Variants in PLPP4 observed in about 807,000 individuals in gnomAD.
The protein encoded by PLPP4 is phospholipid phosphatase 4, also known as diacylglycerol pyrophosphate like 2.
PLPP4 carries 20 observed loss-of-function variants against 32.2 expected under a neutral mutation model. That is an observed-to-expected ratio of 0.62 (90% confidence interval 0.44 to 0.90). The LOEUF (loss-of-function observed/expected upper bound fraction) is 0.90, where lower values mean the gene tolerates loss of function less well. Ranked by LOEUF, PLPP4 falls within the 40% of genes least tolerant of loss-of-function variation. The pLI is 0.00. For synonymous variants in PLPP4, 127 were observed against 133.0 expected (o/e 0.95, Z 0.31); for missense variants, 257 against 353.1 (o/e 0.73, Z 2.18).
At chr10:120,556,803 C>T (rs925111196) in intron 5 of PLPP4, among the ~76,000 whole-genome samples, 4 of 152,064 alleles carry the variant, frequency 2.6e-5, no homozygotes, top group East Asian at 1.9e-4. Context: ...ATTCAAACCT[C>T]GGCACTAGAT....
intron 5 of PLPP4, among the ~76,000 whole-genome samples, chr10:120,566,504 C>T (rs1463476407): frequency 1.3e-5 from 2 of 151,618 alleles, no homozygotes; most frequent in Non-Finnish European, 2.9e-5. Flanking sequence ...GTGTCCTTGC[C>T]GTTTCCTTCT....
intron 5 of PLPP4, among the ~76,000 whole-genome samples, chr10:120,546,265 C>T (rs532902995): frequency 6.6e-6 from 1 of 152,084 alleles, no homozygotes; most frequent in African/African-American, 2.4e-5. Context: ...TCTAGAGAAC[C>T]CTGACTCACA....
intron 5 of PLPP4, among the ~76,000 whole-genome samples, chr10:120,562,462 G>A (rs1848480291): frequency 6.6e-6 from 1 of 151,948 alleles, no homozygotes; most frequent in Non-Finnish European, 1.5e-5. Flanking sequence ...AGGGCTTCTT[G>A]TGCAATGTTC....
rs774470104 is a variant in PLPP4 at position 120,503,552 on chromosome 10, T to C, written c.57-266T>C. 3.7e-6 allele frequency: 6 copies of C among 1,604,558 alleles called. No individual in the cohort carries two copies. In the South Asian group the frequency reaches 6.7e-5, roughly 18 times the overall value. On this transcript the variant is annotated intron_variant, in intron 1 of 6. Transcript: ENST00000398250. ...ACTTTGGAACCCCAAGTCCTTGGAG[T>C]CTTTGTACACACAAAGCTACTCCCT...
intron 5 of PLPP4, among the ~76,000 whole-genome samples, chr10:120,522,841 C>T (rs893555472): frequency 4.6e-5 from 7 of 152,148 alleles, no homozygotes; most frequent in East Asian, 3.8e-4. Context: ...GTAATCCTTT[C>T]GCTATGTGTA....
At chr10:120,559,724 A>T (rs1172208678) in intron 5 of PLPP4, among the ~76,000 whole-genome samples, 4 of 152,348 alleles carry the variant, frequency 2.6e-5, no homozygotes, top group East Asian at 3.9e-4. Flanking sequence ...GAAAAATTTA[A>T]AAAGCTATGT....
chr10:120,469,244 TTG>T lies in PLPP4; in HGVS notation c.56+11884_56+11885del, dbSNP rs1192664618. On this transcript the variant is annotated intron_variant, in intron 1 of 6. Transcript: ENST00000398250. ...AACTGCAACTTTTTTTTTTTTTTTTTTGAGACAGAGTCTTGCTCTGTCACCCA... is the reference window on the plus strand; with the variant it reads ...AACTGCAACTTTTTTTTTTTTTTTTTAGACAGAGTCTTGCTCTGTCACCCA... Among the ~76,000 whole-genome samples the T allele has an allele frequency of 4.3e-4, 29 of 67,538 alleles. 12 individuals carry two copies. The highest frequency in any genetic ancestry group is 7.2e-4 in the Non-Finnish European group (18 of 24,890). The allele number at this position is 67,538 out of a possible 152,430, so 44.3% of individuals were successfully genotyped here.
intron 1 of PLPP4, among the ~76,000 whole-genome samples, chr10:120,478,360 G>A (rs1317893885): frequency 1.3e-5 from 2 of 152,120 alleles, no homozygotes; most frequent in Non-Finnish European, 1.5e-5. Context: ...AGGTGTTCAG[G>A]GTGCCTGCTT....
rs558703388 is a variant in PLPP4 at position 120,531,435 on chromosome 10, G to A, written c.445+10340G>A. On this transcript the variant is annotated intron_variant, in intron 5 of 6. Coordinates refer to ENST00000398250, the MANE Select transcript of PLPP4 (RefSeq NM_001030059.3). ...TATTTTCTTAATGATGTCTTTTGAT[G>A]AGCAGCATCTTTTAATTTTGATTAA... Among the ~76,000 whole-genome samples, 5 of 152,120 alleles carry A rather than the reference G, an allele frequency of 3.3e-5. No individual in the cohort carries two copies. In the South Asian group the frequency reaches 1.0e-3, roughly 32 times the overall value.
At chr10:120,523,079 C>G (rs188395914) in intron 5 of PLPP4, among the ~76,000 whole-genome samples, 4 of 152,082 alleles carry the variant, frequency 2.6e-5, no homozygotes, top group Non-Finnish European at 5.9e-5. Flanking sequence ...GGGTGGATCA[C>G]GAGGTCAGGA....
At chr10:120,463,406 G>A (rs1848163578) in intron 1 of PLPP4, among the ~76,000 whole-genome samples, 1 of 152,210 alleles carries the variant, frequency 6.6e-6, no homozygotes, top group East Asian at 1.9e-4. Context: ...ACAGGTCTGT[G>A]TTTGGGTTTC....
intron 5 of PLPP4, among the ~76,000 whole-genome samples, chr10:120,538,564 C>G (rs1847174597): frequency 6.6e-6 from 1 of 152,098 alleles, no homozygotes; most frequent in Admixed American, 6.5e-5. Flanking sequence ...TCAGCTTGAA[C>G]TCTGCAGTGT....
intron 5 of PLPP4, among the ~76,000 whole-genome samples, chr10:120,570,990 T>G (rs1183137363): frequency 6.6e-6 from 1 of 152,056 alleles, no homozygotes; most frequent in Non-Finnish European, 1.5e-5. Context: ...AACAATCAGC[T>G]GCTACAAATA....
At chr10:120,559,573 C>T (rs557469754) in intron 5 of PLPP4, among the ~76,000 whole-genome samples, 4 of 151,764 alleles carry the variant, frequency 2.6e-5, no homozygotes, top group Admixed American at 1.3e-4. Context: ...TACAGTTGAC[C>T]CTTGAACAAC....
intron 1 of PLPP4, among the ~76,000 whole-genome samples, chr10:120,476,323 G>C (rs1843907263): frequency 6.6e-6 from 1 of 152,094 alleles, no homozygotes; most frequent in East Asian, 1.9e-4. Flanking sequence ...TTGTTGTTGA[G>C]TGCTTACTCT....
At chr10:120,571,093 CGTGTGTGTGTGTGTGTGTGT>C (rs60011757) in intron 5 of PLPP4, among the ~76,000 whole-genome samples, 50 of 144,660 alleles carry the variant, frequency 3.5e-4, no homozygotes, top group African/African-American at 5.4e-4. Flanking sequence ...AGTAAAGGGG[CGTGTGTGTGTGTGTGTGTGT>C]GTGTGTGTGT....
Position 120,591,709 on chromosome 10 carries a change from T to TA in PLPP4, c.*2209dup, listed in dbSNP as rs1326203921. ...GAAAGGAAAAGGGTTGTACTTCAGT[T>TA]AATAAAGACTTAAAATTCTGGACCA... is the stretch of plus-strand genomic sequence containing the variant. On this transcript the variant is annotated 3_prime_UTR_variant, in exon 7 of 7. Transcript: ENST00000398250. 1.3e-5 allele frequency among the ~76,000 whole-genome samples: 2 copies of TA among 152,062 alleles called. No homozygotes were observed. The highest frequency in any genetic ancestry group is 2.9e-5 in the Non-Finnish European group (2 of 68,020).
chr10:120,499,025 G>A (rs1409555), intron 1 of PLPP4, among the ~76,000 whole-genome samples: 2 of 151,932 alleles, frequency 1.3e-5, no homozygotes, highest in Non-Finnish European at 2.9e-5. Flanking sequence ...TGCATCCTTG[G>A]ATCTGTCTGA....
intron 1 of PLPP4, among the ~76,000 whole-genome samples, chr10:120,461,676 A>G (rs1478563793): frequency 6.6e-6 from 1 of 152,224 alleles, no homozygotes; most frequent in Non-Finnish European, 1.5e-5. Flanking sequence ...GGTGGCCCCC[A>G]GTACCTTACA....
Sources: allele counts gnomAD v4.1 joint callset (sites outside exome capture counted in the v4.1 genomes callset), GRCh38; gene constraint gnomAD v4.1.1; transcripts MANE v1.5; gene names NCBI Gene and HGNC (gene_info 2026-07-23, HGNC 2026-07-21).